Variants in CELF2 observed in about 807,000 individuals in gnomAD.
The protein encoded by CELF2 is CUGBP Elav-like family member 2.
CELF2 carries 8 observed loss-of-function variants against 62.6 expected under a neutral mutation model. That is an observed-to-expected ratio of 0.13 (90% CI 0.07 to 0.23). The LOEUF (loss-of-function observed/expected upper bound fraction) is 0.23. Ranked by LOEUF, CELF2 falls within the 10% of genes least tolerant of loss-of-function variation. The pLI is 1.00. For synonymous variants in CELF2, 258 were observed against 250.0 expected (o/e 1.03, Z -0.30); for missense variants, 333 against 671.0 (o/e 0.50, Z 5.56).
the CELF2 span, among the ~76,000 whole-genome samples, chr10:10,707,780 A>G: frequency 1.3e-5 from 2 of 152,144 alleles, no homozygotes; most frequent in Admixed American, 6.5e-5. Context: ...GAGATCCTAT[A>G]AACTATAAAC....
At chr10:10,582,605 C>A in the CELF2 span, among the ~76,000 whole-genome samples, 2 of 152,056 alleles carry the variant, frequency 1.3e-5, no homozygotes, top group African/African-American at 4.8e-5. Flanking sequence ...GAGTAATTTC[C>A]TCAGTCCTGC....
At chr10:10,694,103 T>G in the CELF2 span, among the ~76,000 whole-genome samples, 1 of 150,862 alleles carries the variant, frequency 6.6e-6, no homozygotes, top group Admixed American at 6.6e-5. Context: ...ATTGTGATGT[T>G]AGGGTGTCAA....
At chr10:10,546,512 G>GT in the CELF2 span, among the ~76,000 whole-genome samples, 1 of 152,164 alleles carries the variant, frequency 6.6e-6, no homozygotes, top group Non-Finnish European at 1.5e-5. Context: ...TAAACCAACT[G>GT]TATTATAAGT....
chr10:10,913,078 A>G (rs17149091), intron 1 of CELF2, among the ~76,000 whole-genome samples: 7,886 of 152,220 alleles, frequency 0.052, 678 homozygotes, highest in African/African-American at 0.18. Context: ...CCATGTGAGA[A>G]TAATTACTTG....
At chr10:10,916,840 T>C (rs923026956) in intron 1 of CELF2, among the ~76,000 whole-genome samples, 1 of 152,110 alleles carries the variant, frequency 6.6e-6, no homozygotes, top group Admixed American at 6.6e-5. Flanking sequence ...CTCGAACTCC[T>C]GGCCTCAAGT....
chr10:11,095,263 C>T (rs2142141009), intron 1 of CELF2, among the ~76,000 whole-genome samples: 1 of 152,288 alleles, frequency 6.6e-6, no homozygotes, highest in East Asian at 1.9e-4. Context: ...CACACATCAG[C>T]AGGCTACTAA....
At chr10:11,073,855 A>T (rs1406627589) in intron 1 of CELF2, among the ~76,000 whole-genome samples, 1 of 152,170 alleles carries the variant, frequency 6.6e-6, no homozygotes, top group Non-Finnish European at 1.5e-5. Flanking sequence ...TTTAATTCAC[A>T]ATTTCTTTAT....
At position 11,247,595 on chromosome 10, in the gene CELF2, C is replaced by T. The variant is rs910595788; in HGVS notation, c.355-1558C>T. 4.0e-5 allele frequency among the ~76,000 whole-genome samples: 6 copies of T among 151,384 alleles called. No individual in the cohort carries two copies. Among genetic ancestry groups the T allele is most frequent in the Non-Finnish European group, 7.4e-5 (5 of 67,792 alleles). ...TCCCACCCCCTCCATCCTATGCCCG[C>T]CATCCCATGCCCGCCATCCCACCCC... On this transcript the variant is annotated intron_variant, in intron 3 of 12. Coordinates refer to ENST00000633077, the MANE Select transcript of CELF2 (RefSeq NM_001326342.2). This position sits in a 1 kb window ranked among gnomAD's most constrained non-coding sequence, Gnocchi z 5.4.
chr10:11,201,381 C>T (rs1013835483), intron 2 of CELF2, among the ~76,000 whole-genome samples: 2 of 152,158 alleles, frequency 1.3e-5, no homozygotes, highest in Admixed American at 6.5e-5. Flanking sequence ...CAGGCTTCTC[C>T]ATCTTGTCAC....
chr10:10,790,299 T>A, the CELF2 span, among the ~76,000 whole-genome samples: 18 of 152,144 alleles, frequency 1.2e-4, no homozygotes, highest in Non-Finnish European at 5.9e-5. Context: ...AGAACCCTAC[T>A]ATAATTATTG....
Position 11,117,546 on chromosome 10 carries a change from C to CA in CELF2, c.75-47939dup, listed in dbSNP as rs1400198181. Among the ~76,000 whole-genome samples the CA allele has an allele frequency of 6.6e-6, 1 of 152,144 alleles. No homozygotes were observed. The highest frequency in any genetic ancestry group is 2.4e-5 in the African/African-American group (1 of 41,412). ...AGGTCCATCTTGAGGTGTTGTTATA[C>CA]AGCCTCTTAGGGGTTTTTATGTCTG... On this transcript the variant is annotated intron_variant, in intron 1 of 12. Transcript: ENST00000633077. This position sits in a 1 kb window ranked among gnomAD's most constrained non-coding sequence, Gnocchi z 4.1.
the CELF2 span, among the ~76,000 whole-genome samples, chr10:10,586,342 T>A: frequency 2.4e-4 from 37 of 152,306 alleles, 1 homozygote; most frequent in East Asian, 7.1e-3. Flanking sequence ...TCTAGGAGAC[T>A]GCTCCAATTC....
At chr10:10,570,075 C>T in the CELF2 span, among the ~76,000 whole-genome samples, 1 of 152,146 alleles carries the variant, frequency 6.6e-6, no homozygotes, top group Non-Finnish European at 1.5e-5. Context: ...AATCTAGTGC[C>T]TCCCACATTG....
chr10:10,968,755 G>A (rs559485289), intron 2 of CELF2, among the ~76,000 whole-genome samples: 16 of 151,826 alleles, frequency 1.1e-4, no homozygotes, highest in African/African-American at 2.2e-4. Context: ...TTCATTTATC[G>A]TGGTGGGACC....
At chr10:10,629,702 G>C in the CELF2 span, among the ~76,000 whole-genome samples, 1 of 151,968 alleles carries the variant, frequency 6.6e-6, no homozygotes, top group Non-Finnish European at 1.5e-5. Context: ...AACTCTTCCA[G>C]TGAACTGTTT....
chr10:11,030,313 T>A (rs2138788746), intron 1 of CELF2: 1 of 152,364 alleles, frequency 6.6e-6, no homozygotes, highest in South Asian at 2.1e-4. Context: ...GTCATTTCCA[T>A]CTCACAAATG....
the CELF2 span, among the ~76,000 whole-genome samples, chr10:10,658,616 CCTGTTTTTCTG>C: frequency 1.3e-5 from 2 of 152,188 alleles, no homozygotes; most frequent in East Asian, 3.9e-4. Flanking sequence ...GTATTTTAAG[CCTGTTTTTCTG>C]CACTTTTTTC....
chr10:10,745,539 G>A, the CELF2 span, among the ~76,000 whole-genome samples: 1 of 152,152 alleles, frequency 6.6e-6, no homozygotes, highest in East Asian at 1.9e-4. Context: ...CTGGGGCTTC[G>A]AGTTGTGTGT....
the CELF2 span, among the ~76,000 whole-genome samples, chr10:10,646,600 A>C: frequency 1.3e-5 from 2 of 152,194 alleles, no homozygotes; most frequent in Non-Finnish European, 2.9e-5. Flanking sequence ...ATGTTTTGAA[A>C]ATGACTGCAA....
Sources: allele counts gnomAD v4.1 joint callset (sites outside exome capture counted in the v4.1 genomes callset), GRCh38; gene constraint gnomAD v4.1.1; non-coding constraint Gnocchi (gnomAD v3.1); transcripts MANE v1.5; gene names NCBI Gene and HGNC (gene_info 2026-07-23, HGNC 2026-07-21).